Variants in CTNNA2 observed in about 807,000 individuals in gnomAD.
CTNNA2 encodes catenin alpha 2.
A neutral mutation model predicts 101.0 loss-of-function variants in CTNNA2; 42 were observed. The observed-to-expected ratio is 0.42, with a 90% CI of 0.32 to 0.54. CTNNA2 has a LOEUF of 0.54. Ranked by LOEUF, CTNNA2 falls within the 20% of genes least tolerant of loss-of-function variation. The probability of loss-of-function intolerance (pLI) is 0.14; values close to 1 mark genes in which losing one functional copy is unlikely to be tolerated. For missense variants in CTNNA2, 871 were observed against 1,223.1 expected, an observed-to-expected ratio of 0.71 and a Z score of 4.29; for synonymous variants, 450 against 456.4, an observed-to-expected ratio of 0.99 and a Z score of 0.18.
intron 1 of CTNNA2, among the ~76,000 whole-genome samples, chr2:79,614,648 T>A (rs1212845465): frequency 6.6e-6 from 1 of 152,182 alleles, no homozygotes; most frequent in African/African-American, 2.4e-5. Context: ...AATGATATTC[T>A]TATTAACTAC....
chr2:80,589,203 C>A, intron 14 of CTNNA2, 101 bp from the exon 15 acceptor site: 2 of 1,223,156 alleles, frequency 1.6e-6, no homozygotes. Context: ...GCTCATAAGC[C>A]TTTGCAGGGT....
At chr2:80,266,441 C>G (rs1673007985) in intron 7 of CTNNA2, among the ~76,000 whole-genome samples, 1 of 152,204 alleles carries the variant, frequency 6.6e-6, no homozygotes, top group South Asian at 2.1e-4. Context: ...GGGCCAGCAT[C>G]AGCTGTGCCC....
At chr2:80,144,524 C>T (rs958985218) in intron 7 of CTNNA2, among the ~76,000 whole-genome samples, 1 of 152,160 alleles carries the variant, frequency 6.6e-6, no homozygotes, top group Non-Finnish European at 1.5e-5. Context: ...GTCACTTCTT[C>T]CTAAGTCATC....
intron 4 of CTNNA2, among the ~76,000 whole-genome samples, chr2:79,427,412 C>T (rs965174907): frequency 2.6e-5 from 4 of 151,948 alleles, no homozygotes; most frequent in Non-Finnish European, 5.9e-5. Context: ...ACTAAAAAAA[C>T]TCATTAATTT....
chr2:80,310,685 A>G (rs527963243), intron 7 of CTNNA2, among the ~76,000 whole-genome samples: 8 of 152,310 alleles, frequency 5.3e-5, no homozygotes, highest in Non-Finnish European at 1.0e-4. Context: ...CTACTATGGC[A>G]TGTGTGTATT....
At chr2:80,605,042 C>T (rs1348985382) in intron 16 of CTNNA2, 1 of 151,960 alleles carries the variant, frequency 6.6e-6, no homozygotes, top group Admixed American at 6.6e-5. Context: ...TGATCAAGAA[C>T]CTTCAGATTT....
intron 3 of CTNNA2, among the ~76,000 whole-genome samples, chr2:79,765,324 C>T (rs886494995): frequency 1.3e-5 from 2 of 152,252 alleles, no homozygotes; most frequent in South Asian, 4.1e-4. Flanking sequence ...ACACAAGTCA[C>T]TAGTACTTTC....
intron 8 of CTNNA2, among the ~76,000 whole-genome samples, chr2:80,407,112 G>A (rs147444078): frequency 6.6e-6 from 1 of 152,176 alleles, no homozygotes; most frequent in African/African-American, 2.4e-5. Context: ...TTGCCTCAAA[G>A]CTTATATTAG....
chr2:79,797,145 CT>C (rs990355144), intron 3 of CTNNA2, among the ~76,000 whole-genome samples: 32 of 152,064 alleles, frequency 2.1e-4, no homozygotes, highest in Admixed American at 1.9e-3. Flanking sequence ...AGGAAATAGG[CT>C]TTTTGTTGTT....
At chr2:80,624,165 A>G (rs1433233970) in intron 18 of CTNNA2, among the ~76,000 whole-genome samples, 2 of 151,930 alleles carry the variant, frequency 1.3e-5, no homozygotes, top group Non-Finnish European at 2.9e-5. Context: ...AGGGGCAATA[A>G]TCCAGAGTAA....
chr2:80,135,902 T>C (rs1374538844), intron 7 of CTNNA2, among the ~76,000 whole-genome samples: 1 of 152,112 alleles, frequency 6.6e-6, no homozygotes, highest in Non-Finnish European at 1.5e-5. Flanking sequence ...GGTAGGAGGA[T>C]GGTGGTATAA....
chr2:79,651,752 A>G, intron 2 of CTNNA2, 94 bp downstream of exon 2: 3 of 1,024,492 alleles, frequency 2.9e-6, no homozygotes, highest in Non-Finnish European at 4.5e-6. Flanking sequence ...TTAAAAGAGA[A>G]TAAATCATGC....
At chr2:80,054,433 T>C (rs1697082385) in intron 7 of CTNNA2, among the ~76,000 whole-genome samples, 1 of 152,212 alleles carries the variant, frequency 6.6e-6, no homozygotes, top group South Asian at 2.1e-4. Context: ...TCCTTAACCC[T>C]GCAGCCATGC....
chr2:79,406,817 T>G (rs901932128), intron 4 of CTNNA2, among the ~76,000 whole-genome samples: 1 of 152,002 alleles, frequency 6.6e-6, no homozygotes, highest in African/African-American at 2.4e-5. Context: ...CATAACTCAG[T>G]GTCTGAGTGC....
Position 79,829,217 on chromosome 2 carries a change from A to T in CTNNA2, c.299-28796A>T, listed in dbSNP as rs75968820. On this transcript the variant is annotated intron_variant, in intron 3 of 18. Transcript: ENST00000402739. ...TACAGAAGGAAATTGCTTATTCCTT[A>T]TGTAAAAACCTTCCCCTAGGCCAGG... is the stretch of plus-strand genomic sequence containing the variant. 4.5e-3 allele frequency among the ~76,000 whole-genome samples: 678 copies of T among 152,198 alleles called. 13 individuals carry two copies. The highest frequency in any genetic ancestry group is 0.04 in the East Asian group (207 of 5,152).
intron 3 of CTNNA2, among the ~76,000 whole-genome samples, chr2:79,827,485 A>C (rs1028660198): frequency 6.6e-6 from 1 of 152,212 alleles, no homozygotes; most frequent in Non-Finnish European, 1.5e-5. Context: ...GGAGTCACTT[A>C]TTTGATGCAA....
At chr2:79,228,281 G>T (rs1674446981) in intron 2 of CTNNA2, among the ~76,000 whole-genome samples, 1 of 152,204 alleles carries the variant, frequency 6.6e-6, no homozygotes, top group African/African-American at 2.4e-5. Flanking sequence ...TAGTGGAATT[G>T]CTGGGTGGAA....
At chr2:80,412,312 C>T (rs1395192834) in intron 8 of CTNNA2, among the ~76,000 whole-genome samples, 1 of 152,188 alleles carries the variant, frequency 6.6e-6, no homozygotes, top group Non-Finnish European at 1.5e-5. Flanking sequence ...CCCGATCAAC[C>T]CTTCCCTGTC....
chr2:80,289,804 G>C (rs571261747), intron 7 of CTNNA2, among the ~76,000 whole-genome samples: 8 of 152,260 alleles, frequency 5.3e-5, no homozygotes, highest in Middle Eastern at 3.4e-3. Flanking sequence ...AAAGTCAACT[G>C]ACAGGAGGGA....
Sources: gnomAD v4.1 joint callset for allele counts (sites outside exome capture counted in the v4.1 genomes callset) on GRCh38, gnomAD v4.1.1 for gene constraint, MANE v1.5 for transcripts, NCBI Gene and HGNC (gene_info 2026-07-23, HGNC 2026-07-21) for gene names.